Variants in CRY1 observed in about 807,000 individuals in gnomAD.
The protein encoded by CRY1 is cryptochrome circadian regulator 1.
In CRY1, 45 loss-of-function variants were observed where a neutral mutation model predicts 76.0. The observed-to-expected ratio is 0.59, with a 90% CI of 0.47 to 0.76. The LOEUF (loss-of-function observed/expected upper bound fraction) is 0.76, where lower values mean the gene tolerates loss of function less well. Ranked by LOEUF, CRY1 falls within the 30% of genes least tolerant of loss-of-function variation. The pLI, the probability that CRY1 is intolerant of heterozygous loss-of-function variation, is 0.00. For missense variants in CRY1, 587 were observed against 716.4 expected (o/e 0.82, Z 2.06); for synonymous variants, 248 against 244.0 (o/e 1.02, Z -0.15).
At chr12:106,999,488 T>A (rs1566240966) in intron 7 of CRY1, 63 bp downstream of exon 7, 2 of 1,434,638 alleles carry the variant, frequency 1.4e-6, no homozygotes, top group Non-Finnish European at 1.9e-6. Context: ...ACTTCTAGGA[T>A]TTGTTTTATT....
intron 1 of CRY1, among the ~76,000 whole-genome samples, chr12:107,086,551 G>A (rs1016982760): frequency 3.3e-5 from 5 of 152,146 alleles, no homozygotes; most frequent in Non-Finnish European, 4.4e-5. Context: ...TGCCTTGTGC[G>A]GTCTTGAGAT....
chr12:106,997,414 A>G, intron 9 of CRY1, 28 bp from the exon 10 acceptor site: 2 of 1,612,300 alleles, frequency 1.2e-6, no homozygotes, highest in Non-Finnish European at 1.7e-6. Context: ...TTTCTTTTAA[A>G]TTATGATCAA....
chr12:107,041,705 T>G (rs914633549), intron 1 of CRY1, among the ~76,000 whole-genome samples: 1 of 151,610 alleles, frequency 6.6e-6, no homozygotes, highest in African/African-American at 2.4e-5. Flanking sequence ...ATGGAGGAGC[T>G]ATATATGCTG....
intron 2 of CRY1, among the ~76,000 whole-genome samples, chr12:107,015,901 G>A (rs1487791567): frequency 2.0e-5 from 3 of 152,146 alleles, no homozygotes; most frequent in Non-Finnish European, 4.4e-5. Context: ...GCCCAGGCTG[G>A]TCTCAAACTC....
chr12:107,087,842 G>C (rs1462235093), intron 1 of CRY1, among the ~76,000 whole-genome samples: 2 of 152,048 alleles, frequency 1.3e-5, no homozygotes, highest in East Asian at 1.9e-4. Context: ...TAGCCCGGGA[G>C]TATGAGACAG....
chr12:107,076,498 T>C (rs1953253566), intron 1 of CRY1, among the ~76,000 whole-genome samples: 1 of 150,884 alleles, frequency 6.6e-6, no homozygotes. Context: ...GTAATTCCAC[T>C]AGCTACTCGG....
chr12:107,086,996 GAAAC>G (rs879266942), intron 1 of CRY1, among the ~76,000 whole-genome samples: 13 of 147,992 alleles, frequency 8.8e-5, no homozygotes, highest in Admixed American at 8.7e-4. Flanking sequence ...GAAAAAGAAA[GAAAC>G]AAAGAAAGAA....
chr12:107,071,000 G>C (rs1263182191), intron 1 of CRY1, among the ~76,000 whole-genome samples: 1 of 151,702 alleles, frequency 6.6e-6, no homozygotes, highest in Non-Finnish European at 1.5e-5. Flanking sequence ...CACAGCGCCC[G>C]GCCTGGATTC....
At chr12:107,033,747 C>T (rs1027863940) in intron 1 of CRY1, among the ~76,000 whole-genome samples, 19 of 151,366 alleles carry the variant, frequency 1.3e-4, no homozygotes, top group African/African-American at 4.6e-4. Flanking sequence ...AAAGGGTACC[C>T]GTAAAAATAC....
intron 7 of CRY1, among the ~76,000 whole-genome samples, chr12:106,999,000 T>C (rs4964195): frequency 0.19 from 27,862 of 146,062 alleles, 4,862 homozygotes; most frequent in African/African-American, 0.46. Context: ...TGAGATCACG[T>C]CATTGCACCC....
intron 1 of CRY1, among the ~76,000 whole-genome samples, chr12:107,082,406 C>T (rs920600641): frequency 5.9e-5 from 9 of 152,118 alleles, no homozygotes; most frequent in Non-Finnish European, 8.8e-5. Context: ...TCTTCTCACA[C>T]CACATAGCAC....
chr12:107,082,762 C>A (rs1470621476), intron 1 of CRY1, among the ~76,000 whole-genome samples: 3 of 152,090 alleles, frequency 2.0e-5, no homozygotes, highest in East Asian at 3.8e-4. Flanking sequence ...AAAATCGACA[C>A]CCTAACATCA....
chr12:107,019,142 T>G (rs1480199948), intron 2 of CRY1, among the ~76,000 whole-genome samples: 1 of 152,106 alleles, frequency 6.6e-6, no homozygotes, highest in East Asian at 1.9e-4. Flanking sequence ...ATCTTCTCCC[T>G]CAGAGAAACT....
intron 10 of CRY1, among the ~76,000 whole-genome samples, chr12:106,995,453 GT>G (rs559099343): frequency 2.6e-4 from 40 of 151,900 alleles, no homozygotes; most frequent in Admixed American, 7.9e-4. Context: ...TTTTTATCCT[GT>G]TTTTTTTATT....
At position 107,063,367 on chromosome 12, in the gene CRY1, T is replaced by C. The variant is rs141754522; in HGVS notation, c.158+29437A>G. ...GTTGAGTTGTCAATTACCTGACAAA[T>C]AGATAAAAAGGACTGGAACTCAGGA... On this transcript the variant is annotated intron_variant, in intron 1 of 12. Transcript: ENST00000008527. Among the ~76,000 whole-genome samples the C allele has an allele frequency of 6.9e-3, 1,045 of 152,258 alleles. 17 individuals are homozygous for C. Among genetic ancestry groups the C allele is most frequent in the African/African-American group, 0.024 (1,001 of 41,554 alleles).
At chr12:107,041,911 G>C (rs751810396) in intron 1 of CRY1, among the ~76,000 whole-genome samples, 1 of 152,182 alleles carries the variant, frequency 6.6e-6, no homozygotes, top group Non-Finnish European at 1.5e-5. Flanking sequence ...CAACAGAGCA[G>C]TTGCTGATTC....
Position 106,992,860 on chromosome 12 carries a change from C to T in CRY1, c.1688G>A (p.Gly563Asp). The stretch of plus-strand genomic sequence containing the variant: ...CTCTTCCTGACTAGGACGTTTCCCA[C>T]CACTGAGACCAGTGCCCATGGAGCT... ...GRSSMGTGLS[G>D]GKRPSQEEDT... The change falls in exon 12 of 13, where the codon GGT (glycine) becomes GAT (aspartate). Residue 563 changes from glycine (G) to aspartate (D), a missense_variant. Gly to Asp is a moderately conservative substitution (Grantham distance 94). Transcript: ENST00000008527. The T allele has an allele frequency of 6.2e-7, 1 of 1,614,010 alleles. No individual in the cohort carries two copies.
chr12:107,034,737 C>G (rs1168794581), intron 1 of CRY1, among the ~76,000 whole-genome samples: 1 of 151,966 alleles, frequency 6.6e-6, no homozygotes, highest in African/African-American at 2.4e-5. Context: ...AAATAAAAGG[C>G]ATAAGGATGG....
chr12:106,996,433 C>T (rs575371551), intron 10 of CRY1, among the ~76,000 whole-genome samples: 45 of 152,250 alleles, frequency 3.0e-4, no homozygotes, highest in African/African-American at 8.7e-4. Flanking sequence ...AATGAACATA[C>T]GTGTGCATGT....
Sources: gnomAD v4.1 joint callset for allele counts (sites outside exome capture counted in the v4.1 genomes callset) on GRCh38, gnomAD v4.1.1 for gene constraint, MANE v1.5 for transcripts, NCBI Gene and HGNC (gene_info 2026-07-23, HGNC 2026-07-21) for gene names.